CADM2: variants seen among roughly 807,000 people sequenced by gnomAD.
CADM2 encodes the protein cell adhesion molecule 2.
Under a neutral mutation model 49.8 loss-of-function variants are expected in CADM2, and 12 were observed. The ratio of observed to expected loss-of-function variants is 0.24; its 90% CI spans 0.15 to 0.39. The LOEUF is 0.39. CADM2 is among the 10% of genes least tolerant of loss of function. The pLI is 1.00. For missense variants in CADM2, 378 were observed against 492.3 expected (o/e 0.77, Z 2.20); for synonymous variants, 214 against 175.4 (o/e 1.22, Z -1.74).
intron 1 of CADM2, among the ~76,000 whole-genome samples, chr3:85,584,455 A>T (rs1488237591): frequency 6.6e-6 from 1 of 152,062 alleles, no homozygotes; most frequent in African/African-American, 2.4e-5. Flanking sequence ...AAATTCGAAG[A>T]CTTAACTACT....
intron 1 of CADM2, among the ~76,000 whole-genome samples, chr3:85,143,762 C>T (rs968434595): frequency 3.3e-5 from 5 of 152,102 alleles, no homozygotes; most frequent in Non-Finnish European, 7.4e-5. Flanking sequence ...ATCACTGGCC[C>T]CCCTATTTCT....
intron 1 of CADM2, among the ~76,000 whole-genome samples, chr3:85,327,419 C>T (rs1173679193): frequency 6.6e-6 from 1 of 151,764 alleles, no homozygotes; most frequent in Non-Finnish European, 1.5e-5. Flanking sequence ...CCATGCCAGG[C>T]TAATTTTTGT....
chr3:85,788,204 T>C (rs577332231), intron 2 of CADM2, among the ~76,000 whole-genome samples: 1 of 152,282 alleles, frequency 6.6e-6, no homozygotes, highest in East Asian at 1.9e-4. Context: ...ACTAATGTCA[T>C]TGAGGTATAT....
At chr3:85,127,906 TAC>T (rs2039091297) in intron 1 of CADM2, among the ~76,000 whole-genome samples, 1 of 152,142 alleles carries the variant, frequency 6.6e-6, no homozygotes, top group Non-Finnish European at 1.5e-5. Flanking sequence ...CCCCAAACAA[TAC>T]AGTTTCTGAT....
chr3:84,995,183 G>C (rs1474970422), intron 1 of CADM2, among the ~76,000 whole-genome samples: 12 of 151,990 alleles, frequency 7.9e-5, no homozygotes, highest in Admixed American at 3.3e-4. Context: ...ATGGTATAAG[G>C]GTTAGTCACA....
intron 1 of CADM2, among the ~76,000 whole-genome samples, chr3:85,363,733 T>A (rs1209380673): frequency 6.6e-6 from 1 of 152,214 alleles, no homozygotes; most frequent in Non-Finnish European, 1.5e-5. Flanking sequence ...TGCCTCAGCC[T>A]CCCGAATAGC....
At chr3:85,206,453 G>T (rs1296685231) in intron 1 of CADM2, among the ~76,000 whole-genome samples, 1 of 151,640 alleles carries the variant, frequency 6.6e-6, no homozygotes, top group East Asian at 1.9e-4. Flanking sequence ...GACTACAGGC[G>T]CCCGTCACCA....
chr3:86,040,606 T>C lies in CADM2; in HGVS notation c.971-24999T>C, dbSNP rs149913398. 1.4e-4 allele frequency among the ~76,000 whole-genome samples: 21 copies of C among 152,284 alleles called. 1 individual carries two copies. In the East Asian group the frequency reaches 2.5e-3, roughly 18 times the overall value. ...GTGAAAAGACCAAATCGACGTCTGA[T>C]TTGTGTACCTGAAAGTGATGGGGAG... On this transcript the variant is annotated intron_variant, in intron 8 of 9. Transcript: ENST00000383699.
chr3:85,458,919 G>A (rs1438128449), intron 1 of CADM2, among the ~76,000 whole-genome samples: 1 of 152,142 alleles, frequency 6.6e-6, no homozygotes, highest in Admixed American at 6.6e-5. Context: ...CTTGTACATT[G>A]CTTTTGTGAT....
intron 6 of CADM2, among the ~76,000 whole-genome samples, chr3:85,934,971 A>C (rs759407897): frequency 1.5e-4 from 23 of 152,024 alleles, no homozygotes; most frequent in Admixed American, 5.9e-4. Context: ...ATAAAGAAAG[A>C]ATGTGTTAAT....
chr3:85,919,245 G>C (rs545062907), intron 6 of CADM2, among the ~76,000 whole-genome samples: 72 of 152,002 alleles, frequency 4.7e-4, no homozygotes, highest in African/African-American at 1.6e-3. Context: ...ACAGTACTAG[G>C]CTTTGCCTAT....
In CADM2 at chr3:86,073,950, T is replaced by C. The variant is rs1349710142; in HGVS notation, c.*7167T>C. The C allele has an allele frequency of 6.6e-6, 1 of 151,966 alleles. No individual in the cohort carries two copies. The highest frequency in any genetic ancestry group is 2.4e-5 in the African/African-American group (1 of 41,434). 9.4% of individuals were successfully genotyped at this position (151,966 alleles called of 1,614,324 possible). ...TTGTACAACATTTAATCGTTATTCCTTGGAATATATGAACCTTGTAAAGTG... is the reference window on the plus strand; with the variant it reads ...TTGTACAACATTTAATCGTTATTCCCTGGAATATATGAACCTTGTAAAGTG... On this transcript the variant is annotated 3_prime_UTR_variant, in exon 10 of 10. Coordinates refer to ENST00000383699, the MANE Select transcript of CADM2 (RefSeq NM_001167675.2).
chr3:85,040,850 G>A (rs762148794), intron 1 of CADM2, among the ~76,000 whole-genome samples: 2 of 152,090 alleles, frequency 1.3e-5, no homozygotes, highest in Non-Finnish European at 2.9e-5. Context: ...CTATGTCAAG[G>A]TGGTCTTTAT....
At chr3:85,578,507 G>A (rs1267637646) in intron 1 of CADM2, among the ~76,000 whole-genome samples, 2 of 152,202 alleles carry the variant, frequency 1.3e-5, no homozygotes, top group African/African-American at 4.8e-5. Flanking sequence ...AGACTTTAGA[G>A]TTCTTTTGTT....
At chr3:85,061,853 C>A (rs1047877615) in intron 1 of CADM2, among the ~76,000 whole-genome samples, 1 of 152,048 alleles carries the variant, frequency 6.6e-6, no homozygotes, top group Admixed American at 6.6e-5. Flanking sequence ...TTGCATAGTT[C>A]ATACTTTCTT....
chr3:85,987,534 C>T (rs1208107915), intron 8 of CADM2, among the ~76,000 whole-genome samples: 2 of 148,324 alleles, frequency 1.3e-5, no homozygotes, highest in Non-Finnish European at 3.0e-5. Context: ...AAAAAAGTTC[C>T]CCAGTATAAA....
At chr3:85,043,139 A>G (rs988374146) in intron 1 of CADM2, among the ~76,000 whole-genome samples, 4 of 152,114 alleles carry the variant, frequency 2.6e-5, no homozygotes, top group African/African-American at 9.7e-5. Context: ...TTATTTGTAC[A>G]GATCCATTGC....
intron 1 of CADM2, among the ~76,000 whole-genome samples, chr3:85,157,407 G>A (rs1003345578): frequency 9.9e-5 from 15 of 152,004 alleles, no homozygotes; most frequent in Non-Finnish European, 1.9e-4. Flanking sequence ...AAAGAACAAA[G>A]CTGGAGGCAT....
At chr3:85,411,517 C>A (rs1201038938) in intron 1 of CADM2, among the ~76,000 whole-genome samples, 2 of 152,076 alleles carry the variant, frequency 1.3e-5, no homozygotes, top group Admixed American at 6.6e-5. Context: ...AAGTGATTAC[C>A]AAATCGTGGA....
Sources: allele counts gnomAD v4.1 joint callset (sites outside exome capture counted in the v4.1 genomes callset), GRCh38; gene constraint gnomAD v4.1.1; transcripts MANE v1.5; gene names NCBI Gene and HGNC (gene_info 2026-07-23, HGNC 2026-07-21).